The following RAD52 variants were observed in gnomAD, a reference collection of about 807,000 sequenced individuals.
The protein encoded by RAD52 is RAD52 DNA repair protein.
A neutral mutation model predicts 55.5 loss-of-function variants in RAD52; 47 were observed. The observed-to-expected ratio is 0.85, with a 90% CI of 0.67 to 1.08. The LOEUF (loss-of-function observed/expected upper bound fraction) is 1.08. Ranked by LOEUF, RAD52 falls within the 50% of genes least tolerant of loss-of-function variation. RAD52 has a pLI of 0.00. For missense variants in RAD52, 468 were observed against 522.8 expected, an observed-to-expected ratio of 0.90 and a Z score of 1.02; for synonymous variants, 184 against 198.9, an observed-to-expected ratio of 0.92 and a Z score of 0.63.
In RAD52 at chr12:912,740, A is replaced by C. The variant is rs1008072329; in HGVS notation, c.*651T>G. On this transcript the variant is annotated 3_prime_UTR_variant, in exon 12 of 12. Transcript: ENST00000358495. ...CCCGTCTCAAAAAAAAAAAAAAAAA[A>C]AAAAACAAAAAACAGCCTTTTTTCG... The C allele has an allele frequency of 1.4e-3, 175 of 122,300 alleles. 1 individual carries two copies. Among genetic ancestry groups the C allele is most frequent in the African/African-American group, 4.6e-3 (139 of 30,408 alleles). 7.6% of individuals were successfully genotyped at this position (122,300 alleles called of 1,614,324 possible).
intron 1 of RAD52, among the ~76,000 whole-genome samples, chr12:939,560 T>G (rs746342880): frequency 1.3e-5 from 2 of 152,122 alleles, no homozygotes; most frequent in African/African-American, 4.8e-5. Context: ...TCCAAACACA[T>G]GTCCAAAAAC....
At position 920,327 on chromosome 12, in the gene RAD52, T is replaced by C. The variant is rs1209751196; in HGVS notation, c.544-3507A>G. ...ATCCCAGCATTTTGGGAGGCCGAGG[T>C]GGGCAGATCACGAGGTCAGGATATC... On this transcript the variant is annotated intron_variant, in intron 7 of 11. Coordinates refer to ENST00000358495, the MANE Select transcript of RAD52 (RefSeq NM_134424.4). 5.2e-5 allele frequency among the ~76,000 whole-genome samples: 6 copies of C among 116,310 alleles called. 3 individuals carry two copies. Among genetic ancestry groups the C allele is most frequent in the Non-Finnish European group, 1.1e-4 (6 of 55,026 alleles). 76.3% of individuals were successfully genotyped at this position (116,310 alleles called of 152,430 possible).
At chr12:935,971 A>G (rs990585524) in intron 1 of RAD52, among the ~76,000 whole-genome samples, 56 of 149,986 alleles carry the variant, frequency 3.7e-4, no homozygotes, top group Non-Finnish European at 6.7e-4. Context: ...CACCCGCCTC[A>G]GGTGTGAGCC....
At chr12:944,618 A>AAC (rs1565688883) in intron 1 of RAD52, among the ~76,000 whole-genome samples, 1 of 148,352 alleles carries the variant, frequency 6.7e-6, no homozygotes, top group Admixed American at 6.7e-5. Flanking sequence ...TAAAAAAAAA[A>AAC]AAAAAAAAAA....
chr12:923,374 A>T (rs1956841280), intron 7 of RAD52, among the ~76,000 whole-genome samples: 1 of 151,806 alleles, frequency 6.6e-6, no homozygotes, highest in Non-Finnish European at 1.5e-5. Flanking sequence ...CTACAAAAAA[A>T]ATAGTAATAA....
At chr12:975,526 C>A (rs1318916097) in intron 1 of RAD52, 1 of 152,074 alleles carries the variant, frequency 6.6e-6, no homozygotes, top group East Asian at 1.9e-4. Flanking sequence ...AAAGGAGGAT[C>A]CAAAACTATT....
Position 986,253 on chromosome 12 carries a change from A to G in RAD52, c.-19+3556T>C, listed in dbSNP as rs138941552. On this transcript the variant is annotated intron_variant, in intron 1 of 11. Transcript: ENST00000430095. ...CTGGCCTTGTTTTTAAAATAGAGAC[A>G]GGGTCTCGTTATGTTGCCCAGGTTG... 1.1e-4 allele frequency among the ~76,000 whole-genome samples: 16 copies of G among 152,104 alleles called. No homozygotes were observed. In the East Asian group the frequency reaches 2.5e-3, roughly 24 times the overall value.
chr12:939,794 G>A lies in RAD52; in HGVS notation c.-18-6718C>T, dbSNP rs552382630. Among the ~76,000 whole-genome samples the A allele has an allele frequency of 3.3e-5, 5 of 152,244 alleles. No homozygotes were observed. In the South Asian group the frequency reaches 8.3e-4, roughly 25 times the overall value. On this transcript the variant is annotated intron_variant, in intron 1 of 11. Coordinates refer to ENST00000358495, the MANE Select transcript of RAD52 (RefSeq NM_134424.4). ...CAAAGAAGAGAGAAGAGGGCTGGGC[G>A]CACCGGGCGCGGTGGCTCATGCCTG...
At chr12:933,655 C>G (rs1957456906) in intron 1 of RAD52, among the ~76,000 whole-genome samples, 1 of 151,904 alleles carries the variant, frequency 6.6e-6, no homozygotes, top group Non-Finnish European at 1.5e-5. Flanking sequence ...GTGATTTTTA[C>G]AATAAGAATA....
chr12:920,833 A>G (rs1439526297), intron 7 of RAD52, among the ~76,000 whole-genome samples: 1 of 152,182 alleles, frequency 6.6e-6, no homozygotes, highest in African/African-American at 2.4e-5. Flanking sequence ...CCACCCACCA[A>G]TAGCAGAAAA....
At position 929,800 on chromosome 12, in the gene RAD52, G is replaced by A. The variant is rs772916819; in HGVS notation, c.348+19C>T. On this transcript the variant is annotated intron_variant, in intron 5 of 11. Transcript: ENST00000358495. ...ACCCACTGATCCTTCCGGGCAGCAG[G>A]TCTACTCCATCCCCTCACCTTCAGC... is the stretch of plus-strand genomic sequence containing the variant. 3.1e-6 allele frequency: 5 copies of A among 1,605,636 alleles called. No homozygotes were observed. The highest frequency in any genetic ancestry group is 3.4e-6 in the Non-Finnish European group (4 of 1,173,288).
upstream of RAD52, chr12:990,303 T>C (rs1162508906): frequency 1.3e-5 from 2 of 151,982 alleles, no homozygotes; most frequent in Non-Finnish European, 2.9e-5. Context: ...GGTTTAGAGA[T>C]AGCTTATCTA....
intron 11 of RAD52, among the ~76,000 whole-genome samples, 179 bp downstream of exon 11, chr12:913,715 G>T (rs1473517109): frequency 6.6e-6 from 1 of 152,174 alleles, no homozygotes; most frequent in Non-Finnish European, 1.5e-5. Flanking sequence ...CCTGAAGTCA[G>T]GAGCCCAAAG....
At chr12:950,042 A>G (rs1482541190), upstream of RAD52, among the ~76,000 whole-genome samples, 3 of 152,168 alleles carry the variant, frequency 2.0e-5, no homozygotes, top group African/African-American at 2.4e-5. Context: ...TCACATGCCC[A>G]GTGCCCATTA....
At chr12:916,215 G>A (rs1956362636) in intron 9 of RAD52, 129 bp downstream of exon 9, 2 of 1,481,690 alleles carry the variant, frequency 1.3e-6, no homozygotes, top group South Asian at 1.4e-5. Flanking sequence ...CCTGCGTGTA[G>A]CTTGAGAGAA....
intron 1 of RAD52, among the ~76,000 whole-genome samples, chr12:983,938 ACAGTG>A (rs1959053170): frequency 6.6e-6 from 1 of 152,192 alleles, no homozygotes; most frequent in Non-Finnish European, 1.5e-5. Context: ...TCAGTCTTTA[ACAGTG>A]TAATGGATGC....
At chr12:924,260 A>C (rs1008994394) in intron 7 of RAD52, among the ~76,000 whole-genome samples, 1 of 151,426 alleles carries the variant, frequency 6.6e-6, no homozygotes, top group Non-Finnish European at 1.5e-5. Flanking sequence ...AAATACAAAA[A>C]TTAGCCAGGC....
chr12:960,201 A>C (rs1385608296), intron 1 of RAD52, among the ~76,000 whole-genome samples: 2 of 152,162 alleles, frequency 1.3e-5, no homozygotes, highest in Non-Finnish European at 2.9e-5. Flanking sequence ...GATTGTAGGG[A>C]AATGTGTGGA....
chr12:951,663 T>C (rs962585865), upstream of RAD52, among the ~76,000 whole-genome samples: 5 of 152,236 alleles, frequency 3.3e-5, no homozygotes, highest in Admixed American at 6.5e-5. Flanking sequence ...CATGGTTTTA[T>C]TAATTACTAC....
Sources: allele counts gnomAD v4.1 joint callset (sites outside exome capture counted in the v4.1 genomes callset), GRCh38; gene constraint gnomAD v4.1.1; transcripts MANE v1.5; gene names NCBI Gene and HGNC (gene_info 2026-07-23, HGNC 2026-07-21).